The following POU6F2 variants were observed in gnomAD, a reference collection of about 807,000 sequenced individuals.
POU6F2 encodes the protein POU domain, class 6, transcription factor 2.
A neutral mutation model predicts 71.3 loss-of-function variants in POU6F2; 31 were observed. That is an observed-to-expected ratio of 0.43 (90% CI 0.33 to 0.59). POU6F2 has a LOEUF of 0.59. Ranked by LOEUF, POU6F2 falls within the 20% of genes least tolerant of loss-of-function variation. The pLI, the probability that POU6F2 is intolerant of heterozygous loss-of-function variation, is 0.04. For missense variants in POU6F2, 783 were observed against 856.8 expected (o/e 0.91, Z 1.07); for synonymous variants, 347 against 355.7 (o/e 0.98, Z 0.27).
intron 4 of POU6F2, among the ~76,000 whole-genome samples, chr7:39,250,727 C>T (rs1783899671): frequency 1.3e-5 from 2 of 152,138 alleles, no homozygotes; most frequent in South Asian, 2.1e-4. Flanking sequence ...ACATTCACCT[C>T]GGCCATTTCA....
At chr7:39,233,311 A>G (rs1315264509) in intron 4 of POU6F2, among the ~76,000 whole-genome samples, 1 of 152,244 alleles carries the variant, frequency 6.6e-6, no homozygotes, top group Non-Finnish European at 1.5e-5. Flanking sequence ...CCAAAAAAAA[A>G]AAAAAATTCT....
intron 4 of POU6F2, among the ~76,000 whole-genome samples, chr7:39,286,035 C>T (rs1366497661): frequency 6.6e-6 from 1 of 152,178 alleles, no homozygotes; most frequent in Admixed American, 6.5e-5. Context: ...GCTTCTCTTC[C>T]CACCAGCATC....
intron 4 of POU6F2, among the ~76,000 whole-genome samples, chr7:39,279,827 A>G (rs763638576): frequency 6.6e-6 from 1 of 151,770 alleles, no homozygotes. Flanking sequence ...GCTTCCTGCA[A>G]CCTCCACCTC....
At chr7:39,082,796 A>G (rs111644961) in intron 1 of POU6F2, among the ~76,000 whole-genome samples, 63 of 114,122 alleles carry the variant, frequency 5.5e-4, no homozygotes, top group Non-Finnish European at 2.8e-4. Context: ...CATGTCATGC[A>G]CACACACACA....
At chr7:39,033,746 T>C (rs1789999893) in intron 1 of POU6F2, among the ~76,000 whole-genome samples, 1 of 152,198 alleles carries the variant, frequency 6.6e-6, no homozygotes, top group South Asian at 2.1e-4. Flanking sequence ...GCCTAGTGTC[T>C]CATCGCTGAT....
At chr7:39,132,107 A>G (rs1426360572) in intron 2 of POU6F2, among the ~76,000 whole-genome samples, 1 of 152,232 alleles carries the variant, frequency 6.6e-6, no homozygotes, top group Non-Finnish European at 1.5e-5. Flanking sequence ...TATGAGAGGC[A>G]TCTGTTTTGG....
intron 8 of POU6F2, among the ~76,000 whole-genome samples, chr7:39,455,723 A>C (rs1788785213): frequency 6.6e-6 from 1 of 151,442 alleles, no homozygotes. Context: ...GCTAAATTTA[A>C]AAAAACAAAC....
At chr7:39,300,674 A>G (rs970452680) in intron 4 of POU6F2, among the ~76,000 whole-genome samples, 1 of 152,158 alleles carries the variant, frequency 6.6e-6, no homozygotes, top group Non-Finnish European at 1.5e-5. Flanking sequence ...TGGCTTGCAG[A>G]TGGCTGTCTT....
At chr7:39,179,908 A>G (rs1793405798) in intron 2 of POU6F2, among the ~76,000 whole-genome samples, 1 of 152,204 alleles carries the variant, frequency 6.6e-6, no homozygotes, top group South Asian at 2.1e-4. Context: ...AATGGGGATA[A>G]TAATACTTGC....
At chr7:39,311,396 GATC>G (rs1785162422) in intron 4 of POU6F2, among the ~76,000 whole-genome samples, 1 of 151,780 alleles carries the variant, frequency 6.6e-6, no homozygotes, top group African/African-American at 2.4e-5. Context: ...CCATCACACT[GATC>G]ACCTTTTTAC....
At chr7:39,384,336 G>A (rs887565279) in intron 5 of POU6F2, among the ~76,000 whole-genome samples, 5 of 152,286 alleles carry the variant, frequency 3.3e-5, no homozygotes, top group African/African-American at 7.2e-5. Context: ...ACAGATGACC[G>A]TTAAAAACTA....
At chr7:39,258,744 C>G (rs566511651) in intron 4 of POU6F2, among the ~76,000 whole-genome samples, 2 of 151,340 alleles carry the variant, frequency 1.3e-5, no homozygotes, top group African/African-American at 4.9e-5. Flanking sequence ...GTAGGGGCAC[C>G]GCAGAATCTG....
chr7:39,430,840 T>A (rs552014688), intron 6 of POU6F2, among the ~76,000 whole-genome samples: 1 of 152,166 alleles, frequency 6.6e-6, no homozygotes, highest in South Asian at 2.1e-4. Flanking sequence ...TAGGATGAAA[T>A]GAGGCTGCAA....
intron 4 of POU6F2, among the ~76,000 whole-genome samples, chr7:39,237,868 A>G (rs1293994771): frequency 6.6e-6 from 1 of 152,066 alleles, no homozygotes; most frequent in Non-Finnish European, 1.5e-5. Flanking sequence ...TAAATGTAAC[A>G]TTACTTCTGG....
intron 1 of POU6F2, among the ~76,000 whole-genome samples, chr7:38,994,563 G>A (rs1455107741): frequency 2.6e-5 from 4 of 152,132 alleles, no homozygotes; most frequent in South Asian, 2.1e-4. Flanking sequence ...CACCATGCCC[G>A]TGACAGGGTT....
chr7:39,259,873 G>C lies in POU6F2; in HGVS notation c.598+52253G>C, dbSNP rs548701363. ...ACAGAGCCCAGACGCCCAGGGTCTG[G>C]CTTCTAAGTGTTGCTGCAGCCTCCG... On this transcript the variant is annotated intron_variant, in intron 4 of 9. Transcript: ENST00000518318. 8.5e-5 allele frequency among the ~76,000 whole-genome samples: 13 copies of C among 152,060 alleles called. No homozygotes were observed. The East Asian group carries it at 2.3e-3, about 27-fold the overall frequency.
chr7:39,105,542 G>A (rs755885982), intron 2 of POU6F2, among the ~76,000 whole-genome samples: 3 of 151,830 alleles, frequency 2.0e-5, no homozygotes, highest in Non-Finnish European at 2.9e-5. Context: ...CTATCAAGAA[G>A]TCTCAGCACA....
At chr7:39,393,363 G>A (rs751873433) in intron 5 of POU6F2, among the ~76,000 whole-genome samples, 10 of 152,104 alleles carry the variant, frequency 6.6e-5, no homozygotes, top group Non-Finnish European at 1.0e-4. Flanking sequence ...CCTCTGGCAC[G>A]GGTGTGGCAG....
chr7:39,209,022 C>G (rs1794087350), intron 4 of POU6F2, among the ~76,000 whole-genome samples: 2 of 151,984 alleles, frequency 1.3e-5, no homozygotes, highest in Non-Finnish European at 2.9e-5. Context: ...ATTAATCCTG[C>G]TTGGTTAAGA....
Sources: gnomAD v4.1 joint callset for allele counts (sites outside exome capture counted in the v4.1 genomes callset) on GRCh38, gnomAD v4.1.1 for gene constraint, MANE v1.5 for transcripts, NCBI Gene and HGNC (gene_info 2026-07-23, HGNC 2026-07-21) for gene names.